Variants in MAN1A1 observed in about 807,000 individuals in gnomAD.
MAN1A1 encodes the protein mannosidase alpha class 1A member 1.
In MAN1A1, 29 loss-of-function variants were observed where a neutral mutation model predicts 70.8. That is an observed-to-expected ratio of 0.41 (90% confidence interval 0.31 to 0.56). MAN1A1 has a LOEUF of 0.56. MAN1A1 is among the 20% of genes least tolerant of loss of function. The pLI, the probability that MAN1A1 is intolerant of heterozygous loss-of-function variation, is 0.29. For missense variants in MAN1A1, 747 were observed against 841.3 expected, an observed-to-expected ratio of 0.89 and a Z score of 1.39; for synonymous variants, 349 against 330.1, an observed-to-expected ratio of 1.06 and a Z score of -0.62.
intron 5 of MAN1A1, among the ~76,000 whole-genome samples, chr6:119,279,130 T>A (rs1237736021): frequency 6.6e-6 from 1 of 152,108 alleles, no homozygotes; most frequent in African/African-American, 2.4e-5. Context: ...TAAAAAAAAC[T>A]CTTTTAATTC....
intron 2 of MAN1A1, among the ~76,000 whole-genome samples, chr6:119,310,260 G>A (rs1772664878): frequency 6.6e-6 from 1 of 152,144 alleles, no homozygotes; most frequent in African/African-American, 2.4e-5. Context: ...ACTTCCATTT[G>A]CTGAAGTTTT....
intron 6 of MAN1A1, chr6:119,211,002 A>C: frequency 2.4e-6 from 1 of 414,234 alleles, no homozygotes; most frequent in South Asian, 1.8e-5. Flanking sequence ...ATTTATATCA[A>C]GATATTTTTC....
chr6:119,342,961 G>A (rs1773636137), intron 2 of MAN1A1, among the ~76,000 whole-genome samples: 1 of 151,826 alleles, frequency 6.6e-6, no homozygotes, highest in African/African-American at 2.4e-5. Context: ...ATGTTTAACT[G>A]AATGATTACA....
Position 119,340,181 on chromosome 6 carries a change from C to A in MAN1A1, c.603+8282G>T, listed in dbSNP as rs185284485. On this transcript the variant is annotated intron_variant, in intron 2 of 12. Transcript: ENST00000368468. ...ATGAGATTTTGAGACTGGGTAGATA[C>A]CCCTGAGCTTCCCTAATCATTCCAC... 2.4e-3 allele frequency among the ~76,000 whole-genome samples: 362 copies of A among 152,280 alleles called. 2 individuals are homozygous for A. The highest frequency in any genetic ancestry group is 8.0e-3 in the African/African-American group (331 of 41,554).
At position 119,348,905 on chromosome 6, in the gene MAN1A1, A is replaced by G; in HGVS notation, c.161T>C (p.Leu54Pro). The G allele has an allele frequency of 6.5e-7, 1 of 1,535,594 alleles. No homozygotes were observed. ...CAGGAAGAAGATCGCCCCGAAGCAGAGCGTGATGAAGGCGCTGAATACCAG... is the reference window on the plus strand; with the variant it reads ...CAGGAAGAAGATCGCCCCGAAGCAGGGCGTGATGAAGGCGCTGAATACCAG... ...LLLVFSAFIT[L>P]CFGAIFFLPD... Residue 54 changes from leucine to proline, a missense_variant, in exon 2 of 13, where the codon CTC becomes CCC. Physicochemically the swap from Leu to Pro is moderately conservative, Grantham distance 98. Around this residue, in one of 2 missense-constraint regions of MAN1A1, gnomAD observed 328 missense variants for 293.1 expected, o/e 1.12. Coordinates refer to ENST00000368468, the MANE Select transcript of MAN1A1 (RefSeq NM_005907.4).
At chr6:119,189,630 A>G (rs1190521162) in intron 10 of MAN1A1, 34 bp downstream of exon 10, 1 of 1,596,186 alleles carries the variant, frequency 6.3e-7, no homozygotes, top group Admixed American at 1.7e-5. Context: ...AGCATGTGGG[A>G]ATAGACCATA....
chr6:119,187,275 TTAAAA>T (rs1174771074), intron 11 of MAN1A1, among the ~76,000 whole-genome samples: 1 of 152,198 alleles, frequency 6.6e-6, no homozygotes, highest in African/African-American at 2.4e-5. Context: ...TATTTTCAAC[TTAAAA>T]TATTCAATTC....
chr6:119,307,024 T>G, intron 2 of MAN1A1, 32 bp from the exon 3 acceptor site: 1 of 1,424,346 alleles, frequency 7.0e-7, no homozygotes, highest in Non-Finnish European at 9.9e-7. Context: ...GGATTATAAT[T>G]TGAATGGAGA....
chr6:119,331,019 G>A (rs941196373), intron 2 of MAN1A1, among the ~76,000 whole-genome samples: 8 of 152,132 alleles, frequency 5.3e-5, no homozygotes, highest in African/African-American at 1.7e-4. Context: ...CTTGCACAGG[G>A]TGGTACTTCT....
Position 119,348,732 on chromosome 6 carries a change from C to A in MAN1A1, c.334G>T (p.Asp112Tyr). 1.3e-6 allele frequency: 2 copies of A among 1,570,868 alleles called. No individual in the cohort carries two copies. Among genetic ancestry groups the A allele is most frequent in the Non-Finnish European group, 1.7e-6 (2 of 1,161,168 alleles). The change falls in exon 2 of 13, where the codon GAC becomes TAC. Residue 112 changes from aspartate to tyrosine, a missense_variant. Asp to Tyr is a radical substitution (Grantham distance 160). This residue lies in a region of MAN1A1 where 328 missense variants were observed against 293.1 expected (regional missense o/e 1.12). Transcript: ENST00000368468. The stretch of plus-strand genomic sequence containing the variant: ...TTGTCCTCCAGGGCGGCCTCCGGGT[C>A]CCCGGGTGCCCCCTCCTCGCGGCGC... ...ARRREEGAPG[D>Y]PEAALEDNLA...
At chr6:119,338,987 C>T (rs532059385) in intron 2 of MAN1A1, among the ~76,000 whole-genome samples, 148 of 152,328 alleles carry the variant, frequency 9.7e-4, no homozygotes, top group African/African-American at 3.5e-3. Flanking sequence ...CTCCTTAGGC[C>T]TCCAAGCTCT....
At chr6:119,221,635 TA>T in intron 6 of MAN1A1, among the ~76,000 whole-genome samples, 1 of 152,202 alleles carries the variant, frequency 6.6e-6, no homozygotes, top group South Asian at 2.1e-4. Flanking sequence ...GTATTTTTAG[TA>T]GAGACAGGGT....
chr6:119,194,699 G>A (rs1773521697), intron 8 of MAN1A1, among the ~76,000 whole-genome samples: 1 of 152,096 alleles, frequency 6.6e-6, no homozygotes. Flanking sequence ...CAGTCAGAAA[G>A]GATATGGGGC....
intron 2 of MAN1A1, among the ~76,000 whole-genome samples, chr6:119,313,207 A>G (rs975938883): frequency 1.3e-5 from 2 of 152,154 alleles, no homozygotes; most frequent in Non-Finnish European, 2.9e-5. Flanking sequence ...CTTCACAAAG[A>G]CTGCCTGCCT....
At chr6:119,244,359 T>C (rs913479909) in intron 6 of MAN1A1, among the ~76,000 whole-genome samples, 2 of 152,118 alleles carry the variant, frequency 1.3e-5, no homozygotes, top group Admixed American at 1.3e-4. Context: ...AGCAGAGGTG[T>C]GTAACTTATG....
chr6:119,239,714 C>T (rs1000778024), intron 6 of MAN1A1, among the ~76,000 whole-genome samples: 2 of 152,166 alleles, frequency 1.3e-5, no homozygotes, highest in Non-Finnish European at 2.9e-5. Flanking sequence ...ACAATAACAA[C>T]GTAAGACCAG....
intron 6 of MAN1A1, among the ~76,000 whole-genome samples, chr6:119,221,200 T>C (rs1362187463): frequency 1.3e-5 from 2 of 152,120 alleles, no homozygotes; most frequent in Admixed American, 6.6e-5. Context: ...TTTCAATATG[T>C]AATTTTTATT....
chr6:119,267,279 G>C (rs13216372), intron 5 of MAN1A1, among the ~76,000 whole-genome samples: 8,696 of 152,218 alleles, frequency 0.057, 363 homozygotes, highest in Non-Finnish European at 0.09. Flanking sequence ...CAAAAAACTG[G>C]ACAGATGTTT....
intron 2 of MAN1A1, among the ~76,000 whole-genome samples, chr6:119,331,570 C>CATATATATATATATATATATAT (rs10562938): frequency 1.7e-5 from 2 of 117,972 alleles, no homozygotes; most frequent in African/African-American, 3.1e-5. Flanking sequence ...ACATATTATG[C>CATATATATATATATATATATAT]ATATATATAT....
Sources: allele counts gnomAD v4.1 joint callset (sites outside exome capture counted in the v4.1 genomes callset), GRCh38; gene constraint gnomAD v4.1.1; regional missense constraint gnomAD v4.1.1; transcripts MANE v1.5; gene names NCBI Gene and HGNC (gene_info 2026-07-23, HGNC 2026-07-21).